The following TRIM25 variants were observed in gnomAD, a reference collection of about 807,000 sequenced individuals.
TRIM25 encodes E3 ubiquitin/ISG15 ligase TRIM25.
In TRIM25, 45 loss-of-function variants were observed where a neutral mutation model predicts 65.2. The ratio of observed to expected loss-of-function variants is 0.69; its 90% CI spans 0.54 to 0.89. TRIM25 has a LOEUF of 0.89. Among genes scored for constraint, TRIM25 ranks in the 40% least tolerant of loss-of-function variants. The pLI, the probability that TRIM25 is intolerant of heterozygous loss-of-function variation, is 0.00. For synonymous variants in TRIM25, 321 were observed against 340.4 expected, an observed-to-expected ratio of 0.94 and a Z score of 0.63; for missense variants, 714 against 803.7, an observed-to-expected ratio of 0.89 and a Z score of 1.35.
intron 1 of TRIM25, chr17:56,912,168 G>C (rs927596289): frequency 1.3e-5 from 2 of 152,260 alleles, no homozygotes; most frequent in African/African-American, 4.8e-5. Flanking sequence ...TGAAGGTGCT[G>C]TGAGAATGAA....
chr17:56,910,607 C>T (rs987954857), intron 1 of TRIM25, among the ~76,000 whole-genome samples: 4 of 152,148 alleles, frequency 2.6e-5, no homozygotes, highest in African/African-American at 7.2e-5. Context: ...CAAACACATG[C>T]GGCAGTACCC....
chr17:56,901,563 G>A lies in TRIM25; in HGVS notation c.943C>T (p.Arg315Ter), dbSNP rs369983490. The change falls in exon 4 of 9, where the codon CGA becomes TGA. Residue 315 changes from arginine to a stop codon, truncating the protein, a stop_gained. Coordinates refer to ENST00000316881, the MANE Select transcript of TRIM25 (RefSeq NM_005082.5). LOFTEE classifies it high-confidence loss of function. ...TAGACTGGCTTTGTTGAGATTCCTC[G>A]CAGTTTTGATGCTTTCTGGAACATG... is the stretch of plus-strand genomic sequence containing the variant. Reference protein sequence around the residue: ...FEFLEKASKLRGISTKPVYIP... With the variant: ...FEFLEKASKL 4 of 1,613,952 alleles carry A rather than the reference G, an allele frequency of 2.5e-6. No homozygotes were observed. The African/African-American group carries it at 4.0e-5, about 16-fold the overall frequency.
chr17:56,910,758 T>C (rs1369673882), intron 1 of TRIM25, among the ~76,000 whole-genome samples: 1 of 152,158 alleles, frequency 6.6e-6, no homozygotes, highest in East Asian at 1.9e-4. Context: ...ACTTGGGTCT[T>C]CCACATGGGA....
chr17:56,898,298 CGGTATATGGACATCTCAGT>C lies in TRIM25; in HGVS notation c.1153+798_1153+816del, dbSNP rs1393623712. Reference sequence around the variant, plus strand: ...TCTCAGCGGTATATGGACATGTCAGCGGTATATGGACATCTCAGTGGTATATGGACATCTCAGTGGTATA... The same window carrying C: ...TCTCAGCGGTATATGGACATGTCAGCGGTATATGGACATCTCAGTGGTATA... On this transcript the variant is annotated intron_variant, in intron 5 of 8. Transcript: ENST00000316881. Among the ~76,000 whole-genome samples the C allele has an allele frequency of 6.0e-3, 913 of 151,648 alleles. 2 individuals carry two copies. The highest frequency in any genetic ancestry group is 8.7e-3 in the Non-Finnish European group (589 of 67,924).
chr17:56,909,099 G>A (rs910992430), intron 1 of TRIM25, among the ~76,000 whole-genome samples: 3 of 152,080 alleles, frequency 2.0e-5, no homozygotes, highest in African/African-American at 7.2e-5. Context: ...GGGCCACTCA[G>A]ACCAATCCTC....
At chr17:56,911,172 G>A (rs1406950473) in intron 1 of TRIM25, among the ~76,000 whole-genome samples, 1 of 152,188 alleles carries the variant, frequency 6.6e-6, no homozygotes, top group East Asian at 1.9e-4. Context: ...AGGAGGCTGA[G>A]GCAGGAGGAT....
At chr17:56,904,699 T>C (rs1026468492) in intron 2 of TRIM25, among the ~76,000 whole-genome samples, 4 of 152,188 alleles carry the variant, frequency 2.6e-5, no homozygotes, top group Non-Finnish European at 5.9e-5. Flanking sequence ...GAATATGTGC[T>C]ACAAAAAATT....
chr17:56,908,621 G>T, intron 1 of TRIM25, 58 bp from the exon 2 acceptor site: 1 of 1,534,812 alleles, frequency 6.5e-7, no homozygotes. Flanking sequence ...CCCACCAGAA[G>T]CCATCCCTGG....
chr17:56,889,876 T>C lies in TRIM25; in HGVS notation c.*1824A>G, dbSNP rs960720580. 2 of 398,482 alleles carry C rather than the reference T, an allele frequency of 5.0e-6. No individual in the cohort carries two copies. Among genetic ancestry groups the C allele is most frequent in the Non-Finnish European group, 8.8e-6 (2 of 226,066 alleles). 24.7% of individuals were successfully genotyped at this position (398,482 alleles called of 1,614,324 possible). On this transcript the variant is annotated 3_prime_UTR_variant, in exon 9 of 9. Coordinates refer to ENST00000316881, the MANE Select transcript of TRIM25 (RefSeq NM_005082.5). ...ACTTTTCTTCCAAGTAGTAAAGGAA[T>C]AAAACTTCTAAGGACCACATATCAC...
Position 56,913,941 on chromosome 17 carries a change from G to A in TRIM25, c.48C>T (p.Cys16=), listed in dbSNP as rs1387953443. Residue 16 remains cysteine (C), a synonymous_variant, in exon 1 of 9, where the codon TGC becomes TGT. Transcript: ENST00000316881. The surrounding 1 kb of genome is among the most constrained non-coding windows in gnomAD (Gnocchi z 6.1). Reference sequence around the variant, plus strand: ...TGACCGGCTCCTTGAAGGGCTCCAGGCAGATGGAGCACGACAGCTCCTCGG... The same window carrying A: ...TGACCGGCTCCTTGAAGGGCTCCAGACAGATGGAGCACGACAGCTCCTCGG... The part of the protein sequence containing the change: ...PLAEELSCSI[C]LEPFKEPVTT... 2 of 1,588,024 alleles carry A rather than the reference G, an allele frequency of 1.3e-6. No homozygotes were observed. The highest frequency in any genetic ancestry group is 4.5e-5 in the East Asian group (2 of 44,046).
intron 5 of TRIM25, among the ~76,000 whole-genome samples, chr17:56,896,439 A>G (rs1909295373): frequency 6.6e-6 from 1 of 151,614 alleles, no homozygotes; most frequent in African/African-American, 2.4e-5. Context: ...GAACCACTTG[A>G]TCTCAAGCGT....
In TRIM25 at chr17:56,895,331, GA is replaced by G. The variant is rs1567838441; in HGVS notation, c.1363+11del. 1.2e-6 allele frequency: 2 copies of G among 1,610,868 alleles called. No individual in the cohort carries two copies. The highest frequency in any genetic ancestry group is 4.5e-5 in the East Asian group (2 of 44,870). On this transcript the variant is annotated intron_variant, in intron 8 of 8. Coordinates refer to ENST00000316881, the MANE Select transcript of TRIM25 (RefSeq NM_005082.5). The stretch of plus-strand genomic sequence containing the variant: ...ACCAGTGGAACCGCGCACCAGCCCC[GA>G]AGCTACTCACACTCCAGGAGCTCAG...
At chr17:56,894,086 T>C (rs975454487) in intron 8 of TRIM25, among the ~76,000 whole-genome samples, 2 of 152,262 alleles carry the variant, frequency 1.3e-5, no homozygotes, top group South Asian at 4.1e-4. Flanking sequence ...GCAGCCACAG[T>C]TGAGAGCCAC....
rs1320143620 is a variant in TRIM25, at chr17:56,890,298, G to A, written c.*1402C>T. 3 of 329,668 alleles carry A rather than the reference G, an allele frequency of 9.1e-6. No individual in the cohort carries two copies. Among genetic ancestry groups the A allele is most frequent in the Non-Finnish European group, 1.8e-5 (3 of 168,168 alleles). The allele number at this position is 329,668 out of a possible 1,614,324, so 20.4% of individuals were successfully genotyped here. On this transcript the variant is annotated 3_prime_UTR_variant, in exon 9 of 9. Coordinates refer to ENST00000316881, the MANE Select transcript of TRIM25 (RefSeq NM_005082.5). ...AAAATCCAGCCATCCATTCACTCCCGCCCCTTAGTGGACTGGGTTATTTTC... is the reference window on the plus strand; with the variant it reads ...AAAATCCAGCCATCCATTCACTCCCACCCCTTAGTGGACTGGGTTATTTTC...
At chr17:56,898,835 C>G (rs1021309285) in intron 5 of TRIM25, 11 of 373,906 alleles carry the variant, frequency 2.9e-5, no homozygotes, top group Admixed American at 4.3e-5. Context: ...AGTCTCCTTG[C>G]CCAAGGCTCT....
At position 56,891,601 on chromosome 17, in the gene TRIM25, G is replaced by C. The variant is rs1909171988; in HGVS notation, c.*99C>G. On this transcript the variant is annotated 3_prime_UTR_variant, in exon 9 of 9. Transcript: ENST00000316881. ...CCCCTCCCATGCTCCCAATCCTTGG[G>C]ACCTCTTGGGGAATTATCCAAGGAG... 1.4e-6 allele frequency: 2 copies of C among 1,382,052 alleles called. No individual in the cohort carries two copies. The allele number at this position is 1,382,052 out of a possible 1,614,324, so 85.6% of individuals were successfully genotyped here. A position where few individuals can be genotyped will look rare whatever the true frequency, so the allele number is the denominator to read the frequency against.
intron 5 of TRIM25, chr17:56,898,889 G>A (rs1026116896): frequency 3.7e-6 from 2 of 546,948 alleles, no homozygotes; most frequent in South Asian, 2.2e-5. Flanking sequence ...AAACAAGCCA[G>A]CCTCAGGCAT....
chr17:56,895,025 T>C (rs943740299), intron 8 of TRIM25, among the ~76,000 whole-genome samples: 1 of 152,056 alleles, frequency 6.6e-6, no homozygotes, highest in Non-Finnish European at 1.5e-5. Flanking sequence ...GGACGCCCGG[T>C]GAAGGCCGGT....
chr17:56,893,210 G>A (rs1473495428), intron 8 of TRIM25, among the ~76,000 whole-genome samples: 1 of 152,192 alleles, frequency 6.6e-6, no homozygotes, highest in Non-Finnish European at 1.5e-5. Flanking sequence ...TGGGCAGCAG[G>A]GAGCCAAGCG....
Sources: allele counts gnomAD v4.1 joint callset (sites outside exome capture counted in the v4.1 genomes callset), GRCh38; gene constraint gnomAD v4.1.1; non-coding constraint Gnocchi (gnomAD v3.1); transcripts MANE v1.5; gene names NCBI Gene and HGNC (gene_info 2026-07-23, HGNC 2026-07-21).